TM2D1: variants seen among roughly 807,000 people sequenced by gnomAD.
TM2D1 encodes the protein TM2 domain containing 1.
A neutral mutation model predicts 28.4 loss-of-function variants in TM2D1; 15 were observed. That is an observed-to-expected ratio of 0.53 (90% CI 0.35 to 0.81). The LOEUF (loss-of-function observed/expected upper bound fraction) is 0.81, where lower values mean the gene tolerates loss of function less well. Ranked by LOEUF, TM2D1 falls within the 40% of genes least tolerant of loss-of-function variation. The pLI is 0.01. For missense variants in TM2D1, 236 were observed against 254.9 expected (o/e 0.93, Z 0.50); for synonymous variants, 93 against 96.2 (o/e 0.97, Z 0.20).
Position 61,702,876 on chromosome 1 carries a change from C to T in TM2D1, c.348-1851G>A, listed in dbSNP as rs143159867. ...ATCCCAGCACTTTGGGAGGCTGAGG[C>T]GGTTGGATCACATGAGGCCAGGAGT... On this transcript the variant is annotated intron_variant, in intron 3 of 6. Coordinates refer to ENST00000606498, the MANE Select transcript of TM2D1 (RefSeq NM_032027.3). 1.1e-4 allele frequency among the ~76,000 whole-genome samples: 16 copies of T among 151,560 alleles called. No homozygotes were observed. The East Asian group carries it at 3.1e-3, about 30-fold the overall frequency.
At chr1:61,685,534 G>C (rs1194192245) in intron 5 of TM2D1, among the ~76,000 whole-genome samples, 1 of 152,170 alleles carries the variant, frequency 6.6e-6, no homozygotes, top group Non-Finnish European at 1.5e-5. Context: ...CAGGTTCTAT[G>C]CTAGACATTA....
intron 2 of TM2D1, among the ~76,000 whole-genome samples, chr1:61,711,209 A>AATC (rs777948624): frequency 1.1e-4 from 16 of 151,188 alleles, no homozygotes; most frequent in Non-Finnish European, 1.9e-4. Flanking sequence ...GGGCACCTGT[A>AATC]ATCCCAGCTA....
intron 3 of TM2D1, among the ~76,000 whole-genome samples, chr1:61,708,666 T>C (rs1371480950): frequency 6.6e-6 from 1 of 152,212 alleles, no homozygotes; most frequent in Non-Finnish European, 1.5e-5. Context: ...TTAGCATTTT[T>C]CTGATACAAT....
intron 2 of TM2D1, among the ~76,000 whole-genome samples, chr1:61,715,639 C>T (rs1298653279): frequency 3.1e-5 from 1 of 31,890 alleles, no homozygotes; most frequent in African/African-American, 1.4e-4. Flanking sequence ...CAGAGCAAGA[C>T]TGTCTCAAAA....
At position 61,683,544 on chromosome 1, in the gene TM2D1, A is replaced by C; in HGVS notation, c.516T>G (p.Ile172Met). Reference sequence around the variant, plus strand: ...AACTACTTCCATCTGAAGGTCCAACAATCTAGAAGAGACAAAATTTCAAAA... The same window carrying C: ...AACTACTTCCATCTGAAGGTCCAACCATCTAGAAGAGACAAAATTTCAAAA... ...LIDFILISMQIVGPSDGSSYI... is the reference protein window; with the variant it reads ...LIDFILISMQMVGPSDGSSYI... The change falls in exon 6 of 7, where the codon ATT (isoleucine) becomes ATG (methionine). Residue 172 changes from isoleucine to methionine, a missense_variant and splice_region_variant. Ile to Met is a conservative substitution (Grantham distance 10, BLOSUM62 1). Around this residue, in one of 3 missense-constraint regions of TM2D1, gnomAD observed 64 missense variants for 73.1 expected, o/e 0.88. Transcript: ENST00000606498. 3 of 1,423,298 alleles carry C rather than the reference A, an allele frequency of 2.1e-6. No individual in the cohort carries two copies. The highest frequency in any genetic ancestry group is 2.8e-6 in the Non-Finnish European group (3 of 1,059,932). 88.2% of individuals were successfully genotyped at this position (1,423,298 alleles called of 1,614,324 possible).
At chr1:61,722,776 CAGAAT>C (rs1644577924) in intron 2 of TM2D1, among the ~76,000 whole-genome samples, 1 of 152,110 alleles carries the variant, frequency 6.6e-6, no homozygotes, top group Admixed American at 6.6e-5. Flanking sequence ...TTTCAGAATA[CAGAAT>C]AGAGTTACAC....
intron 4 of TM2D1, among the ~76,000 whole-genome samples, chr1:61,697,107 A>G (rs1644368755): frequency 6.6e-6 from 1 of 152,190 alleles, no homozygotes; most frequent in South Asian, 2.1e-4. Context: ...TGGAAACCTA[A>G]AACAAGTTTA....
chr1:61,688,590 G>A (rs1644301257), intron 5 of TM2D1, among the ~76,000 whole-genome samples: 1 of 152,152 alleles, frequency 6.6e-6, no homozygotes, highest in Admixed American at 6.5e-5. Flanking sequence ...GGGCGCGGTG[G>A]CACATGCCTG....
rs924574675 is a variant in TM2D1, at chr1:61,725,066, G to C, written c.55C>G (p.Leu19Val). 1 of 1,613,926 alleles carries C rather than the reference G, an allele frequency of 6.2e-7. No individual in the cohort carries two copies. Among genetic ancestry groups the C allele is most frequent in the Admixed American group, 1.7e-5 (1 of 60,032 alleles). The change falls in exon 1 of 7, where the codon CTC becomes GTC. Residue 19 changes from leucine (L) to valine (V), a missense_variant. Leu to Val is a conservative substitution (Grantham distance 32). Coordinates refer to ENST00000606498, the MANE Select transcript of TM2D1 (RefSeq NM_032027.3). The stretch of plus-strand genomic sequence containing the variant: ...GAGACGAACCACAGGACACCAACGA[G>C]TCTGGCCGTCACGGCCTCCGGAGCA... ...PSAPEAVTAR[L>V]VGVLWFVSVT...
intron 5 of TM2D1, among the ~76,000 whole-genome samples, chr1:61,691,932 A>AAAAAAATATATACAT: frequency 1.3e-5 from 1 of 76,414 alleles, no homozygotes; most frequent in Non-Finnish European, 2.6e-5. Flanking sequence ...AAAAAAAAAA[A>AAAAAAATATATACAT]ATATATATAT....
chr1:61,714,623 C>T (rs1291443338), intron 2 of TM2D1, among the ~76,000 whole-genome samples: 2 of 152,182 alleles, frequency 1.3e-5, no homozygotes, highest in African/African-American at 4.8e-5. Context: ...GGCACGATTA[C>T]GGCTCACTGC....
At chr1:61,713,884 C>CTTTTTTTT in intron 2 of TM2D1, among the ~76,000 whole-genome samples, 1 of 106,236 alleles carries the variant, frequency 9.4e-6, no homozygotes, top group Non-Finnish European at 1.9e-5. Flanking sequence ...CCAAATATTT[C>CTTTTTTTT]TTTTTTTTTT....
At chr1:61,699,007 T>C (rs967337040) in intron 4 of TM2D1, 2 of 152,178 alleles carry the variant, frequency 1.3e-5, no homozygotes, top group African/African-American at 2.4e-5. Context: ...TTCCTTAACC[T>C]TGAATTCTTA....
At chr1:61,700,127 T>C (rs1247388917) in intron 4 of TM2D1, 20 of 1,482,354 alleles carry the variant, frequency 1.3e-5, no homozygotes, top group Non-Finnish European at 1.8e-5. Flanking sequence ...TTGAGGTCAC[T>C]AGCTGAGTGT....
chr1:61,702,997 T>C (rs1644414117), intron 3 of TM2D1, among the ~76,000 whole-genome samples: 1 of 151,302 alleles, frequency 6.6e-6, no homozygotes, highest in Admixed American at 6.6e-5. Context: ...TCCCAGCTAC[T>C]TGGGAGGCTG....
chr1:61,692,480 GAAAGAAAGAAAGAA>G (rs998391207), intron 5 of TM2D1, among the ~76,000 whole-genome samples: 9 of 132,394 alleles, frequency 6.8e-5, no homozygotes, highest in African/African-American at 3.0e-4. Context: ...GAAGAAGAGA[GAAAGAAAGAAAGAA>G]AAAGAAAGAG....
intron 2 of TM2D1, 33 bp from the exon 3 acceptor site, chr1:61,709,470 T>TC (rs1022396356): frequency 2.0e-6 from 3 of 1,486,728 alleles, no homozygotes; most frequent in Non-Finnish European, 2.8e-6. Context: ...AACTGTTATT[T>TC]TTTTTTTCTG....
intron 2 of TM2D1, among the ~76,000 whole-genome samples, chr1:61,713,388 G>C (rs868273792): frequency 6.8e-6 from 1 of 147,926 alleles, no homozygotes; most frequent in Admixed American, 7.0e-5. Flanking sequence ...TGAGGCAGGA[G>C]AATTGCTTGA....
At chr1:61,686,983 T>C (rs1644289931) in intron 5 of TM2D1, 1 of 984,590 alleles carries the variant, frequency 1.0e-6, no homozygotes, top group African/African-American at 1.7e-5. Context: ...AATATGACCA[T>C]GTCCATTTGT....
Sources: allele counts gnomAD v4.1 joint callset (sites outside exome capture counted in the v4.1 genomes callset), GRCh38; gene constraint gnomAD v4.1.1; regional missense constraint gnomAD v4.1.1; transcripts MANE v1.5; gene names NCBI Gene and HGNC (gene_info 2026-07-23, HGNC 2026-07-21).